The following LIN52 variants were observed in gnomAD, a reference collection of about 807,000 sequenced individuals.
The protein encoded by LIN52 is protein lin-52 homolog.
In LIN52, 4 loss-of-function variants were observed where a neutral mutation model predicts 18.5. The observed-to-expected ratio is 0.22, with a 90% CI of 0.11 to 0.49. LIN52 has a LOEUF of 0.49. Ranked by LOEUF, LIN52 falls within the 20% of genes least tolerant of loss-of-function variation. LIN52 has a pLI of 0.97. For synonymous variants in LIN52, 34 were observed against 45.5 expected, an observed-to-expected ratio of 0.75 and a Z score of 1.02; for missense variants, 102 against 139.5, an observed-to-expected ratio of 0.73 and a Z score of 1.35.
rs1595153279 is a variant in LIN52, at chr14:74,103,923, C to T, written c.283+2685C>T. Among the ~76,000 whole-genome samples, 4 of 147,694 alleles carry T rather than the reference C, an allele frequency of 2.7e-5. No individual in the cohort carries two copies. In the South Asian group the frequency reaches 6.4e-4, roughly 24 times the overall value. ...TTTTTTTTTTTTTGAGACGGAGTCT[C>T]GCTCTGTCGCCAGGTTGGAGGTTGA... On this transcript the variant is annotated intron_variant, in intron 5 of 5. Coordinates refer to ENST00000555028, the MANE Select transcript of LIN52 (RefSeq NM_001024674.3).
intron 5 of LIN52, among the ~76,000 whole-genome samples, chr14:74,171,520 A>G (rs898919654): frequency 1.3e-5 from 2 of 152,102 alleles, no homozygotes; most frequent in Non-Finnish European, 2.9e-5. Flanking sequence ...AAAAAATTGT[A>G]AATTTTATTG....
At chr14:74,125,400 T>C (rs2061023488) in intron 5 of LIN52, among the ~76,000 whole-genome samples, 1 of 152,220 alleles carries the variant, frequency 6.6e-6, no homozygotes, top group African/African-American at 2.4e-5. Context: ...GTCTTTTGCC[T>C]GCATAAATGT....
At chr14:74,121,457 C>T (rs1595163394) in intron 5 of LIN52, among the ~76,000 whole-genome samples, 1 of 152,120 alleles carries the variant, frequency 6.6e-6, no homozygotes. Flanking sequence ...CGTTCCTTTC[C>T]AATTCTAAGA....
At chr14:74,129,205 G>A (rs1411383223) in intron 5 of LIN52, among the ~76,000 whole-genome samples, 1 of 152,174 alleles carries the variant, frequency 6.6e-6, no homozygotes, top group African/African-American at 2.4e-5. Context: ...TCTTAAGAGG[G>A]ACAAAGGGTG....
intron 5 of LIN52, among the ~76,000 whole-genome samples, chr14:74,126,848 C>T (rs1360543712): frequency 6.6e-6 from 1 of 152,160 alleles, no homozygotes; most frequent in Non-Finnish European, 1.5e-5. Context: ...GCACTAAATG[C>T]CACTGAATTG....
intron 5 of LIN52, among the ~76,000 whole-genome samples, chr14:74,134,603 A>T (rs868581620): frequency 1.9e-4 from 29 of 152,060 alleles, no homozygotes; most frequent in African/African-American, 6.8e-4. Context: ...ATCACTGTTG[A>T]TAATTAAACT....
chr14:74,154,469 CACTGGCT>C (rs2061190787), intron 5 of LIN52, among the ~76,000 whole-genome samples: 1 of 152,146 alleles, frequency 6.6e-6, no homozygotes, highest in Non-Finnish European at 1.5e-5. Flanking sequence ...GGATCTGAAA[CACTGGCT>C]ACATTTTTTA....
chr14:74,095,149 GTT>G (rs35455851), intron 2 of LIN52, among the ~76,000 whole-genome samples: 17 of 103,726 alleles, frequency 1.6e-4, no homozygotes, highest in Admixed American at 3.4e-4. Flanking sequence ...CCAACTAACT[GTT>G]TTTTTTTTTT....
intron 5 of LIN52, among the ~76,000 whole-genome samples, chr14:74,152,982 A>G (rs2061183121): frequency 6.6e-6 from 1 of 150,680 alleles, no homozygotes; most frequent in East Asian, 1.9e-4. Context: ...AAAAAAAAAA[A>G]GCCAGGACCA....
At chr14:74,127,743 A>T (rs545720664) in intron 5 of LIN52, among the ~76,000 whole-genome samples, 38 of 152,140 alleles carry the variant, frequency 2.5e-4, no homozygotes, top group African/African-American at 9.2e-4. Flanking sequence ...GTCTTTTTTT[A>T]AACTTAATTT....
chr14:74,132,944 G>A (rs539010054), intron 5 of LIN52, among the ~76,000 whole-genome samples: 1 of 151,682 alleles, frequency 6.6e-6, no homozygotes, highest in Non-Finnish European at 1.5e-5. Flanking sequence ...AGTGTAAAAC[G>A]GACCTCAAAT....
chr14:74,166,901 A>G (rs533953748), intron 5 of LIN52, among the ~76,000 whole-genome samples: 9 of 152,156 alleles, frequency 5.9e-5, no homozygotes. Flanking sequence ...TGAATTGTAC[A>G]TTTAGCACTG....
At chr14:74,172,034 G>A (rs1301923018) in intron 5 of LIN52, among the ~76,000 whole-genome samples, 1 of 152,142 alleles carries the variant, frequency 6.6e-6, no homozygotes, top group Non-Finnish European at 1.5e-5. Flanking sequence ...ACTGCTCTCG[G>A]CCCATTTTAA....
At chr14:74,106,831 A>T (rs2060899737) in intron 5 of LIN52, among the ~76,000 whole-genome samples, 1 of 151,600 alleles carries the variant, frequency 6.6e-6, no homozygotes, top group African/African-American at 2.4e-5. Context: ...TCCTCAAGTG[A>T]TTTGCCCGCC....
chr14:74,125,376 G>A (rs577680522), intron 5 of LIN52, among the ~76,000 whole-genome samples: 202 of 152,310 alleles, frequency 1.3e-3, no homozygotes, highest in Non-Finnish European at 2.3e-3. Flanking sequence ...GTGATGATGA[G>A]CATTTTTTCA....
At chr14:74,187,054 G>A (rs906069705) in intron 5 of LIN52, among the ~76,000 whole-genome samples, 1 of 152,146 alleles carries the variant, frequency 6.6e-6, no homozygotes, top group African/African-American at 2.4e-5. Context: ...TCCAGCCTGG[G>A]TGACGGGGTG....
intron 2 of LIN52, among the ~76,000 whole-genome samples, chr14:74,091,966 A>T (rs17096228): frequency 0.4 from 60,269 of 151,732 alleles, 13,038 homozygotes; most frequent in East Asian, 0.82. Flanking sequence ...ATAAGGAGCC[A>T]TTAAACAATA....
Position 74,111,957 on chromosome 14 carries a change from C to T in LIN52, c.283+10719C>T, listed in dbSNP as rs561941778. On this transcript the variant is annotated intron_variant, in intron 5 of 5. Coordinates refer to ENST00000555028, the MANE Select transcript of LIN52 (RefSeq NM_001024674.3). ...GTGCAATGGCGTGATCTCAGCTCAC[C>T]GCAACCTCCGCCTCCGTGGTTCAAG... Among the ~76,000 whole-genome samples, 57 of 151,130 alleles carry T rather than the reference C, an allele frequency of 3.8e-4. No homozygotes were observed. The East Asian group carries it at 9.9e-3, about 26-fold the overall frequency.
intron 1 of LIN52, among the ~76,000 whole-genome samples, chr14:74,089,364 G>A (rs1288003602): frequency 6.9e-6 from 1 of 144,630 alleles, no homozygotes; most frequent in African/African-American, 2.6e-5. Flanking sequence ...TAAAGTTTAA[G>A]TGGGGATTTT....
Sources: gnomAD v4.1 joint callset for allele counts (sites outside exome capture counted in the v4.1 genomes callset) on GRCh38, gnomAD v4.1.1 for gene constraint, MANE v1.5 for transcripts, NCBI Gene and HGNC (gene_info 2026-07-23, HGNC 2026-07-21) for gene names.